Variants in ULK4 observed in about 807,000 individuals in gnomAD.
ULK4 encodes the protein unc-51 like kinase 4, also known as inactive serine/threonine-protein kinase ULK4.
Under a neutral mutation model 160.6 loss-of-function variants are expected in ULK4, and 133 were observed. That is an observed-to-expected ratio of 0.83 (90% CI 0.72 to 0.96). The LOEUF is 0.96. Ranked by LOEUF, ULK4 falls within the 40% of genes least tolerant of loss-of-function variation. The probability of loss-of-function intolerance (pLI) is 0.00; values close to 1 mark genes in which losing one functional copy is unlikely to be tolerated. For missense variants in ULK4, 1,580 were observed against 1,499.5 expected (o/e 1.05, Z -0.89); for synonymous variants, 534 against 539.8 (o/e 0.99, Z 0.15).
chr3:41,720,674 A>C (rs2037417141), intron 22 of ULK4, among the ~76,000 whole-genome samples: 1 of 152,028 alleles, frequency 6.6e-6, no homozygotes, highest in African/African-American at 2.4e-5. Flanking sequence ...TCCTAATAAA[A>C]GAAATATACA....
intron 2 of ULK4, among the ~76,000 whole-genome samples, chr3:41,943,921 G>A (rs1304558963): frequency 6.6e-6 from 1 of 152,080 alleles, no homozygotes; most frequent in Non-Finnish European, 1.5e-5. Context: ...TATCCTTATG[G>A]AAAAGCTGCT....
At chr3:41,802,156 G>A (rs2040481585) in intron 19 of ULK4, among the ~76,000 whole-genome samples, 1 of 151,710 alleles carries the variant, frequency 6.6e-6, no homozygotes, top group South Asian at 2.1e-4. Flanking sequence ...AATATTAAAG[G>A]AAATTATTCA....
chr3:41,734,921 G>A lies in ULK4; in HGVS notation c.2322-17060C>T, dbSNP rs376281322. On this transcript the variant is annotated intron_variant, in intron 22 of 36. Coordinates refer to ENST00000301831, the MANE Select transcript of ULK4 (RefSeq NM_017886.4). ...CTGACCAGTGAGTAGGCAGAACCTC[G>A]GCAGCACCTCAAGCCTTAAATGGCA... Among the ~76,000 whole-genome samples the A allele has an allele frequency of 2.9e-4, 44 of 152,180 alleles. 1 individual carries two copies. The South Asian group carries it at 8.5e-3, about 29-fold the overall frequency.
intron 18 of ULK4, among the ~76,000 whole-genome samples, chr3:41,820,811 A>G (rs1291509259): frequency 6.6e-6 from 1 of 152,204 alleles, no homozygotes; most frequent in East Asian, 1.9e-4. Context: ...GAATTAGTAC[A>G]TTACTAATCC....
chr3:41,296,682 G>C (rs2079675011), intron 35 of ULK4, among the ~76,000 whole-genome samples: 1 of 152,168 alleles, frequency 6.6e-6, no homozygotes, highest in African/African-American at 2.4e-5. Flanking sequence ...TGAGCAGAGG[G>C]AACTCCAGGC....
At chr3:41,446,118 GA>G (rs1300273736) in intron 34 of ULK4, among the ~76,000 whole-genome samples, 5 of 152,064 alleles carry the variant, frequency 3.3e-5, no homozygotes, top group African/African-American at 7.2e-5. Flanking sequence ...AAACACACAT[GA>G]AAAAAATGCT....
intron 34 of ULK4, among the ~76,000 whole-genome samples, chr3:41,412,607 C>T (rs574070511): frequency 4.1e-4 from 56 of 135,168 alleles, no homozygotes; most frequent in African/African-American, 1.5e-3. Flanking sequence ...GTTGCCCAGG[C>T]TGGAGTGCAG....
intron 21 of ULK4, among the ~76,000 whole-genome samples, chr3:41,774,309 T>C (rs1401243455): frequency 1.3e-5 from 2 of 150,388 alleles, no homozygotes; most frequent in South Asian, 2.1e-4. Context: ...GAGAAAATTT[T>C]TGCAACCTAC....
Position 41,900,722 on chromosome 3 carries a change from C to G in ULK4, c.1287+3G>C. ...ACTCAGTTGTTAGAGTGTCTTTCTG[C>G]ACCTTTGGATTGTCGATAATGGGGG... On this transcript the variant is annotated splice_donor_region_variant and intron_variant, in intron 13 of 36. Coordinates refer to ENST00000301831, the MANE Select transcript of ULK4 (RefSeq NM_017886.4). 6.2e-7 allele frequency: 1 copy of G among 1,610,870 alleles called. No homozygotes were observed. The highest frequency in any genetic ancestry group is 1.1e-5 in the South Asian group (1 of 90,554).
At chr3:41,574,525 AGTCCTC>A (rs2088114353) in intron 31 of ULK4, among the ~76,000 whole-genome samples, 1 of 113,694 alleles carries the variant, frequency 8.8e-6, no homozygotes, top group Non-Finnish European at 1.8e-5. Context: ...CTGCTACCAG[AGTCCTC>A]TTTTTTTTTT....
chr3:41,836,900 C>G (rs1050642984), intron 17 of ULK4, among the ~76,000 whole-genome samples: 3 of 151,880 alleles, frequency 2.0e-5, no homozygotes, highest in Non-Finnish European at 4.4e-5. Flanking sequence ...ATGATTAGGA[C>G]AGAACAGTTT....
chr3:41,705,193 T>C, intron 26 of ULK4, 42 bp from the exon 27 acceptor site: 3 of 1,609,752 alleles, frequency 1.9e-6, no homozygotes, highest in Non-Finnish European at 2.5e-6. Flanking sequence ...ATTTACATGT[T>C]CTAAATCATA....
At chr3:41,660,235 T>A (rs1366562612) in intron 30 of ULK4, among the ~76,000 whole-genome samples, 1 of 151,562 alleles carries the variant, frequency 6.6e-6, no homozygotes, top group Admixed American at 6.6e-5. Context: ...GCGGAGGTTG[T>A]GATGAGCCGA....
At chr3:41,381,137 T>C (rs1430824212) in intron 35 of ULK4, among the ~76,000 whole-genome samples, 2 of 152,194 alleles carry the variant, frequency 1.3e-5, no homozygotes, top group African/African-American at 2.4e-5. Flanking sequence ...CAGCTCACTG[T>C]CAGTGTCTTC....
chr3:41,307,320 G>A (rs2079965625), intron 35 of ULK4, among the ~76,000 whole-genome samples: 4 of 152,174 alleles, frequency 2.6e-5, no homozygotes, highest in African/African-American at 9.7e-5. Context: ...GTGCCTGGAT[G>A]AGAAAGATTT....
intron 9 of ULK4, among the ~76,000 whole-genome samples, chr3:41,911,928 G>A (rs977914306): frequency 3.9e-5 from 6 of 151,904 alleles, no homozygotes; most frequent in African/African-American, 1.2e-4. Context: ...CGAGGCAGAC[G>A]GATCACTTGA....
chr3:41,800,216 G>T lies in ULK4; in HGVS notation c.1926C>A (p.Gly642=), dbSNP rs1435762650. ...TGGGTCCTATTTCTCCTGTAATAAA[G>T]CCCTGGGACTGAGCAGAAAAGGTGG... ...VCTTFSAQSQ[G]FITGEIGPIL... Residue 642 remains glycine, a synonymous_variant, in exon 20 of 37, where the codon GGC becomes GGA. Transcript: ENST00000301831. 6.2e-7 allele frequency: 1 copy of T among 1,613,776 alleles called. No individual in the cohort carries two copies. Among genetic ancestry groups the T allele is most frequent in the Non-Finnish European group, 8.5e-7 (1 of 1,179,888 alleles).
At chr3:41,707,746 C>T (rs998065335) in intron 25 of ULK4, among the ~76,000 whole-genome samples, 19 of 151,724 alleles carry the variant, frequency 1.3e-4, no homozygotes, top group East Asian at 7.7e-4. Flanking sequence ...GAGGATCACT[C>T]GGGCCCAGGA....
At chr3:41,387,701 A>G (rs2081851146) in intron 35 of ULK4, among the ~76,000 whole-genome samples, 1 of 152,092 alleles carries the variant, frequency 6.6e-6, no homozygotes, top group Admixed American at 6.6e-5. Flanking sequence ...AAGAACATGA[A>G]CTCATCCTTT....
Sources: allele counts gnomAD v4.1 joint callset (sites outside exome capture counted in the v4.1 genomes callset), GRCh38; gene constraint gnomAD v4.1.1; transcripts MANE v1.5; gene names NCBI Gene and HGNC (gene_info 2026-07-23, HGNC 2026-07-21).